Variants in SCARA5 observed in about 807,000 individuals in gnomAD.
SCARA5 encodes scavenger receptor class A, member 5 (putative).
A neutral mutation model predicts 46.3 loss-of-function variants in SCARA5; 45 were observed. The observed-to-expected ratio is 0.97, with a 90% CI of 0.76 to 1.24. The LOEUF (loss-of-function observed/expected upper bound fraction) is 1.24, where lower values mean the gene tolerates loss of function less well. SCARA5 is among the 50% of genes most tolerant of loss of function. The pLI, the probability that SCARA5 is intolerant of heterozygous loss-of-function variation, is 0.00. For synonymous variants in SCARA5, 333 were observed against 306.5 expected, an observed-to-expected ratio of 1.09 and a Z score of -0.90; for missense variants, 680 against 689.0, an observed-to-expected ratio of 0.99 and a Z score of 0.15.
intron 3 of SCARA5, 62 bp from the exon 4 acceptor site, chr8:27,922,307 A>G (rs1807611852): frequency 1.6e-6 from 2 of 1,229,484 alleles, no homozygotes; most frequent in South Asian, 1.6e-5. Context: ...GGGTGACAAG[A>G]GGCGAACCCA....
intron 2 of SCARA5, 137 bp from the exon 3 acceptor site, chr8:27,966,679 G>C (rs1225732067): frequency 1.1e-6 from 1 of 916,794 alleles, no homozygotes; most frequent in Admixed American, 3.1e-5. Flanking sequence ...TGCATGTCTA[G>C]AATGCAGCCA....
intron 2 of SCARA5, among the ~76,000 whole-genome samples, chr8:27,973,178 G>GA (rs1808472736): frequency 6.6e-6 from 1 of 152,128 alleles, no homozygotes; most frequent in African/African-American, 2.4e-5. Flanking sequence ...CTTTTGGTCT[G>GA]AAAAAATAAA....
chr8:27,900,659 G>A (rs976916625), intron 7 of SCARA5, among the ~76,000 whole-genome samples: 4 of 151,100 alleles, frequency 2.6e-5, no homozygotes, highest in Admixed American at 2.6e-4. Context: ...TCATGCTGTG[G>A]GACTTAAAAA....
intron 7 of SCARA5, among the ~76,000 whole-genome samples, chr8:27,891,781 C>T (rs1261260320): frequency 2.0e-5 from 3 of 152,198 alleles, no homozygotes; most frequent in African/African-American, 4.8e-5. Flanking sequence ...CTTCCCTCTC[C>T]CTAATCCCTC....
intron 8 of SCARA5, 40 bp downstream of exon 8, chr8:27,879,529 A>C: frequency 2.5e-6 from 4 of 1,571,800 alleles, no homozygotes; most frequent in Non-Finnish European, 3.5e-6. Flanking sequence ...TAGGATGTGC[A>C]GGCCCTCTCC....
At chr8:27,880,511 A>G (rs28810390) in intron 7 of SCARA5, among the ~76,000 whole-genome samples, 23,315 of 152,142 alleles carry the variant, frequency 0.15, 2,334 homozygotes, top group African/African-American at 0.29. Context: ...TATAAGGAAC[A>G]TAATTCAACA....
intron 3 of SCARA5, among the ~76,000 whole-genome samples, chr8:27,923,876 C>G (rs1807640670): frequency 6.6e-6 from 1 of 152,180 alleles, no homozygotes; most frequent in Non-Finnish European, 1.5e-5. Flanking sequence ...CCCGGCCCTA[C>G]TTCTTCTTCT....
chr8:27,978,833 C>T (rs1015697405), intron 2 of SCARA5, among the ~76,000 whole-genome samples: 3 of 152,096 alleles, frequency 2.0e-5, no homozygotes, highest in African/African-American at 7.2e-5. Context: ...TGCAGTCCCT[C>T]AGGTCTCTGA....
chr8:27,915,475 G>A (rs1807446364), intron 4 of SCARA5, among the ~76,000 whole-genome samples: 1 of 152,152 alleles, frequency 6.6e-6, no homozygotes, highest in African/African-American at 2.4e-5. Flanking sequence ...AGAACAGAAA[G>A]GCCACTTTAC....
rs757438391 is a variant in SCARA5 at position 27,907,239 on chromosome 8, G to A, written c.1005C>T (p.Pro335=). 4.2e-5 allele frequency: 68 copies of A among 1,611,018 alleles called. No homozygotes were observed. Among genetic ancestry groups the A allele is most frequent in the South Asian group, 1.8e-4 (16 of 90,776 alleles). The change falls in exon 6 of 9, where the codon CCC becomes CCT. Residue 335 remains proline (P), a synonymous_variant. Transcript: ENST00000354914. ...IPGLPGLRGL[P]GERGTPGLPG... The stretch of plus-strand genomic sequence containing the variant: ...GCAATCCTGGGGTACCTCTCTCCCC[G>A]GGCAGACCTGGGGAGAAAACAGACA...
At chr8:27,911,224 G>A (rs1427910762) in intron 4 of SCARA5, among the ~76,000 whole-genome samples, 2 of 126,880 alleles carry the variant, frequency 1.6e-5, no homozygotes, top group African/African-American at 5.7e-5. Context: ...CATGTGCTTG[G>A]TGCCATTTGA....
intron 2 of SCARA5, among the ~76,000 whole-genome samples, chr8:27,984,267 G>A (rs773787342): frequency 3.9e-5 from 6 of 152,156 alleles, no homozygotes; most frequent in Non-Finnish European, 8.8e-5. Flanking sequence ...GAAATGAAAG[G>A]AAAAGGGGGA....
intron 3 of SCARA5, among the ~76,000 whole-genome samples, chr8:27,923,158 A>G (rs1807626302): frequency 6.6e-6 from 1 of 152,254 alleles, no homozygotes; most frequent in South Asian, 2.1e-4. Context: ...CTTGCTCCAG[A>G]GCCTGGGGGC....
intron 7 of SCARA5, chr8:27,885,965 A>G (rs1272632091): frequency 6.5e-6 from 1 of 154,700 alleles, no homozygotes; most frequent in African/African-American, 2.4e-5. Context: ...CACGGGATGC[A>G]AAGCATCAAT....
At chr8:27,897,510 T>C (rs946125232) in intron 7 of SCARA5, among the ~76,000 whole-genome samples, 1 of 152,272 alleles carries the variant, frequency 6.6e-6, no homozygotes, top group African/African-American at 2.4e-5. Flanking sequence ...GATTCCGTGT[T>C]CACCTTCGTC....
chr8:27,962,328 A>G lies in SCARA5; in HGVS notation c.241+4086T>C, dbSNP rs556435397. On this transcript the variant is annotated intron_variant, in intron 3 of 8. Coordinates refer to ENST00000354914, the MANE Select transcript of SCARA5 (RefSeq NM_173833.6). ...CAGATTCACAGTCTCCATAAGGTGA[A>G]AACAAATTCCTCGAGGAACACATAA... Among the ~76,000 whole-genome samples, 7 of 152,342 alleles carry G rather than the reference A, an allele frequency of 4.6e-5. No individual in the cohort carries two copies. In the East Asian group the frequency reaches 1.3e-3, roughly 29 times the overall value.
At position 27,921,661 on chromosome 8, in the gene SCARA5, C is replaced by A; in HGVS notation, c.826G>T (p.Glu276Ter). 1 of 1,609,250 alleles carries A rather than the reference C, an allele frequency of 6.2e-7. No individual in the cohort carries two copies. The highest frequency in any genetic ancestry group is 8.5e-7 in the Non-Finnish European group (1 of 1,177,676). Residue 276 changes from glutamate to a stop codon, truncating the protein, a stop_gained, in exon 4 of 9, where the codon GAG (glutamate) becomes TAG (stop). Transcript: ENST00000354914. LOFTEE classifies it high-confidence loss of function. Reference protein sequence around the residue: ...HVGMELQLKQELAMLNAVTED... With the variant: ...HVGMELQLKQ Reference sequence around the variant, plus strand: ...GTGACCGCGTTGAGCATGGCCAGCTCCTGCTTCAGCTGCAGCTCCATGCCT... The same window carrying A: ...GTGACCGCGTTGAGCATGGCCAGCTACTGCTTCAGCTGCAGCTCCATGCCT...
chr8:27,924,581 C>T (rs1482406624), intron 3 of SCARA5, among the ~76,000 whole-genome samples: 2 of 152,234 alleles, frequency 1.3e-5, no homozygotes, highest in Non-Finnish European at 2.9e-5. Context: ...CCTGGCACCC[C>T]TGCTTACACC....
In SCARA5 at chr8:27,931,452, C is replaced by A. The variant is rs58025484; in HGVS notation, c.242-9207G>T. On this transcript the variant is annotated intron_variant, in intron 3 of 8. Transcript: ENST00000354914. ...TGGGGTCCAGCCACCCAGTGCCTCA[C>A]CCCTCCTCTCTATCCCCAGTGGCAA... Among the ~76,000 whole-genome samples, 723 of 152,110 alleles carry A rather than the reference C, an allele frequency of 4.8e-3. 6 individuals are homozygous for A. Among genetic ancestry groups the A allele is most frequent in the African/African-American group, 0.017 (697 of 41,476 alleles).
Sources: allele counts gnomAD v4.1 joint callset (sites outside exome capture counted in the v4.1 genomes callset), GRCh38; gene constraint gnomAD v4.1.1; transcripts MANE v1.5; gene names NCBI Gene and HGNC (gene_info 2026-07-23, HGNC 2026-07-21).